Variants in STON2 observed in about 807,000 individuals in gnomAD.
STON2 encodes stonin 2, also known as stonin-2.
STON2 carries 29 observed loss-of-function variants against 65.7 expected under a neutral mutation model. The ratio of observed to expected loss-of-function variants is 0.44; its 90% CI spans 0.33 to 0.60. The LOEUF (loss-of-function observed/expected upper bound fraction) is 0.60. Ranked by LOEUF, STON2 falls within the 20% of genes least tolerant of loss-of-function variation. The pLI, the probability that STON2 is intolerant of heterozygous loss-of-function variation, is 0.03. For synonymous variants in STON2, 404 were observed against 414.2 expected (o/e 0.98, Z 0.30); for missense variants, 1,054 against 1,118.1 (o/e 0.94, Z 0.82).
At chr14:81,419,405 C>T (rs1901595062) in intron 2 of STON2, among the ~76,000 whole-genome samples, 2 of 152,158 alleles carry the variant, frequency 1.3e-5, no homozygotes, top group African/African-American at 4.8e-5. Flanking sequence ...GTATCACTGA[C>T]ATAAAAGTTT....
intron 2 of STON2, among the ~76,000 whole-genome samples, chr14:81,409,447 T>C (rs1566948087): frequency 7.1e-6 from 1 of 140,520 alleles, no homozygotes; most frequent in Non-Finnish European, 1.6e-5. Flanking sequence ...ATATATATAT[T>C]TACTTATTTA....
intron 4 of STON2, among the ~76,000 whole-genome samples, chr14:81,328,450 C>A (rs1460681714): frequency 6.6e-5 from 10 of 152,238 alleles, no homozygotes; most frequent in African/African-American, 2.4e-4. Flanking sequence ...ATCAACTCAA[C>A]TATATCTACA....
At position 81,277,137 on chromosome 14, in the gene STON2, C is replaced by A. The variant is rs770532938; in HGVS notation, c.2345G>T (p.Cys782Phe). The A allele has an allele frequency of 6.2e-7, 1 of 1,614,204 alleles. No individual in the cohort carries two copies. Among genetic ancestry groups the A allele is most frequent in the Non-Finnish European group, 8.5e-7 (1 of 1,180,032 alleles). Residue 782 changes from cysteine (C) to phenylalanine (F), a missense_variant, in exon 6 of 8, where the codon TGT (cysteine) becomes TTT (phenylalanine). Coordinates refer to ENST00000614646, the MANE Select transcript of STON2 (RefSeq NM_001394390.1). ...AGGGTAACGGATCATCACATTCTCA[C>A]AGGGAACCTGAGTGAGGGGGTCACG... is the stretch of plus-strand genomic sequence containing the variant. ...ANRDPLTQVPCENVMIRYPVP... is the reference protein window; with the variant it reads ...ANRDPLTQVPFENVMIRYPVP...
Position 81,266,110 on chromosome 14 carries a change from G to A in STON2, c.*2304C>T. ...AGAAAAAGACAAATGAAGTTAGAGA[G>A]TCTTATTACTATTGAGACTAAACCT... On this transcript the variant is annotated 3_prime_UTR_variant, in exon 8 of 8. Coordinates refer to ENST00000614646, the MANE Select transcript of STON2 (RefSeq NM_001394390.1). The A allele has an allele frequency of 1.0e-6, 1 of 984,376 alleles. No individual in the cohort carries two copies. The highest frequency in any genetic ancestry group is 1.2e-6 in the Non-Finnish European group (1 of 829,036). The allele number at this position is 984,376 out of a possible 1,614,324, so 61.0% of individuals were successfully genotyped here. A position where few individuals can be genotyped will look rare whatever the true frequency, so the allele number is the denominator to read the frequency against.
Position 81,398,454 on chromosome 14 carries a change from G to T in STON2, c.-72C>A. ...CCCAGAATACTGTCTGGGGTGGGCT[G>T]GAGTAGGGGTATGGTAGTACGGTAG... On this transcript the variant is annotated 5_prime_UTR_variant, in exon 2 of 8. Coordinates refer to ENST00000614646, the MANE Select transcript of STON2 (RefSeq NM_001394390.1). 2 of 1,229,412 alleles carry T rather than the reference G, an allele frequency of 1.6e-6. No individual in the cohort carries two copies. Among genetic ancestry groups the T allele is most frequent in the Non-Finnish European group, 1.2e-6 (1 of 834,468 alleles). The allele number at this position is 1,229,412 out of a possible 1,614,324, so 76.2% of individuals were successfully genotyped here.
At chr14:81,317,685 G>A (rs1023177984) in intron 5 of STON2, among the ~76,000 whole-genome samples, 1 of 152,194 alleles carries the variant, frequency 6.6e-6, no homozygotes. Context: ...AAAGGTCCCA[G>A]TGTTCAGAGT....
chr14:81,398,485 G>T lies in STON2; in HGVS notation c.-103C>A. On this transcript the variant is annotated 5_prime_UTR_variant, in exon 2 of 8. Coordinates refer to ENST00000614646, the MANE Select transcript of STON2 (RefSeq NM_001394390.1). ...GGGGTATGGTAGTACGGTAGACTTG[G>T]GTCCAGGGTCTGTTCTAGGTGTCTT... 1 of 825,294 alleles carries T rather than the reference G, an allele frequency of 1.2e-6. No individual in the cohort carries two copies. The highest frequency in any genetic ancestry group is 1.6e-5 in the South Asian group (1 of 64,118). The allele number at this position is 825,294 out of a possible 1,614,324, so 51.1% of individuals were successfully genotyped here.
chr14:81,327,957 C>T (rs1897060046), intron 4 of STON2, among the ~76,000 whole-genome samples: 1 of 152,184 alleles, frequency 6.6e-6, no homozygotes, highest in Admixed American at 6.5e-5. Flanking sequence ...TGACTTTGGT[C>T]AAGGCTTTTC....
Position 81,399,731 on chromosome 14 carries a change from ATTC to A in STON2, c.-199+545_-199+547del, listed in dbSNP as rs1285364007. Among the ~76,000 whole-genome samples the A allele has an allele frequency of 5.3e-5, 8 of 152,340 alleles. No homozygotes were observed. In the East Asian group the frequency reaches 1.5e-3, roughly 29 times the overall value. On this transcript the variant is annotated intron_variant, in intron 1 of 7. Transcript: ENST00000614646. ...GATGAGTAGGACTCATAGTACTCTA[ATTC>A]TTCTATGGATAAAGAAATTTGGGCT... is the stretch of plus-strand genomic sequence containing the variant.
chr14:81,292,946 T>C (rs1895615698), intron 5 of STON2, among the ~76,000 whole-genome samples: 1 of 152,316 alleles, frequency 6.6e-6, no homozygotes, highest in Admixed American at 6.5e-5. Context: ...TCCGCACTGA[T>C]CTGGGTTACA....
In STON2 at chr14:81,307,848, G is replaced by A. The variant is rs559923016; in HGVS notation, c.742+16169C>T. ...TGTATATATAACACAAAAAATATGTGTTAATCATTTTATGTTATTGGTAAG... is the reference window on the plus strand; with the variant it reads ...TGTATATATAACACAAAAAATATGTATTAATCATTTTATGTTATTGGTAAG... On this transcript the variant is annotated intron_variant, in intron 5 of 7. Coordinates refer to ENST00000614646, the MANE Select transcript of STON2 (RefSeq NM_001394390.1). 2.6e-5 allele frequency among the ~76,000 whole-genome samples: 4 copies of A among 152,212 alleles called. No homozygotes were observed. The South Asian group carries it at 8.3e-4, about 32-fold the overall frequency.
intron 4 of STON2, among the ~76,000 whole-genome samples, chr14:81,339,837 T>C (rs1357992974): frequency 6.6e-6 from 1 of 152,164 alleles, no homozygotes; most frequent in African/African-American, 2.4e-5. Context: ...TTGGTACACA[T>C]AACAATATAG....
chr14:81,339,655 A>G (rs917058962), intron 4 of STON2, among the ~76,000 whole-genome samples: 2 of 152,226 alleles, frequency 1.3e-5, no homozygotes, highest in East Asian at 1.9e-4. Context: ...TGAGCCAAAG[A>G]AGGCCAGGCT....
chr14:81,344,399 A>T (rs986406557), intron 4 of STON2, among the ~76,000 whole-genome samples: 4 of 152,202 alleles, frequency 2.6e-5, no homozygotes, highest in African/African-American at 9.7e-5. Context: ...AAACACACAC[A>T]CTAATATAGC....
At chr14:81,318,216 G>C (rs1044632036) in intron 5 of STON2, among the ~76,000 whole-genome samples, 6 of 151,954 alleles carry the variant, frequency 3.9e-5, no homozygotes, top group Non-Finnish European at 7.4e-5. Flanking sequence ...TGCCAGCCTC[G>C]GCCACTCAAA....
chr14:81,344,654 A>G (rs1051046313), intron 4 of STON2, among the ~76,000 whole-genome samples: 3 of 152,220 alleles, frequency 2.0e-5, no homozygotes, highest in African/African-American at 7.2e-5. Context: ...ATAGCTAAAG[A>G]GTATGACATT....
chr14:81,361,931 C>T (rs1898510637), intron 4 of STON2, among the ~76,000 whole-genome samples: 1 of 152,016 alleles, frequency 6.6e-6, no homozygotes, highest in Non-Finnish European at 1.5e-5. Context: ...CAAATTAAAA[C>T]CACCATGAGA....
intron 2 of STON2, among the ~76,000 whole-genome samples, chr14:81,410,231 TATTAGA>T (rs1210217961): frequency 7.9e-6 from 1 of 127,080 alleles, no homozygotes; most frequent in African/African-American, 3.2e-5. Flanking sequence ...TTGCTTAAGC[TATTAGA>T]ATTAGACTTT....
intron 5 of STON2, among the ~76,000 whole-genome samples, chr14:81,293,176 C>CTTTT (rs537387012): frequency 7.2e-6 from 1 of 138,952 alleles, no homozygotes; most frequent in Non-Finnish European, 1.5e-5. Flanking sequence ...TGACTTGTGT[C>CTTTT]TTTTTTTTTT....
Sources: allele counts gnomAD v4.1 joint callset (sites outside exome capture counted in the v4.1 genomes callset), GRCh38; gene constraint gnomAD v4.1.1; transcripts MANE v1.5; gene names NCBI Gene and HGNC (gene_info 2026-07-23, HGNC 2026-07-21).